The following SDK1 variants were observed in gnomAD, a reference collection of about 807,000 sequenced individuals.
SDK1 encodes the protein sidekick cell adhesion molecule 1.
SDK1 carries 157 observed loss-of-function variants against 245.5 expected under a neutral mutation model. The ratio of observed to expected loss-of-function variants is 0.64; its 90% CI spans 0.56 to 0.73. The LOEUF is 0.73. Ranked by LOEUF, SDK1 falls within the 30% of genes least tolerant of loss-of-function variation. The probability of loss-of-function intolerance (pLI) is 0.00; values close to 1 mark genes in which losing one functional copy is unlikely to be tolerated. For missense variants in SDK1, 3,583 were observed against 3,002.3 expected (o/e 1.19, Z -4.52); for synonymous variants, 1,647 against 1,278.5 (o/e 1.29, Z -6.15).
At chr7:3,515,393 C>T (rs575436440) in intron 1 of SDK1, among the ~76,000 whole-genome samples, 25 of 152,296 alleles carry the variant, frequency 1.6e-4, no homozygotes, top group African/African-American at 6.0e-4. Flanking sequence ...TTGCTAAGCA[C>T]AGGTCCATGT....
chr7:3,591,756 A>G (rs967437567), intron 1 of SDK1, among the ~76,000 whole-genome samples: 4 of 152,182 alleles, frequency 2.6e-5, no homozygotes, highest in Non-Finnish European at 4.4e-5. Flanking sequence ...AGGTGTTCAT[A>G]TATTGCTTTT....
intron 13 of SDK1, among the ~76,000 whole-genome samples, chr7:3,978,222 T>TTAGCAGTTCA (rs1211892633): frequency 6.6e-6 from 1 of 152,186 alleles, no homozygotes; most frequent in Admixed American, 6.5e-5. Flanking sequence ...TAAATAAGCG[T>TTAGCAGTTCA]TAGCAGTTCA....
chr7:3,589,715 T>G (rs1780800758), intron 1 of SDK1, among the ~76,000 whole-genome samples: 1 of 152,124 alleles, frequency 6.6e-6, no homozygotes, highest in Admixed American at 6.5e-5. Context: ...CTCACTGTCA[T>G]GAGAACAGCA....
At chr7:3,989,869 C>T (rs1226276465) in intron 14 of SDK1, among the ~76,000 whole-genome samples, 2 of 152,244 alleles carry the variant, frequency 1.3e-5, no homozygotes, top group Non-Finnish European at 2.9e-5. Flanking sequence ...GTTTAATCCC[C>T]ATTTCATAGC....
rs1234649926 is a variant in SDK1, at chr7:4,162,947, G to T, written c.4800+1091G>T. ...AGGCCCCAGGGAGATCCCAGCTGAA[G>T]AGTGGGGCGGGGAGCTGTGCGGAGG... is the stretch of plus-strand genomic sequence containing the variant. On this transcript the variant is annotated intron_variant, in intron 32 of 44. Transcript: ENST00000404826. Among the ~76,000 whole-genome samples, 3 of 152,362 alleles carry T rather than the reference G, an allele frequency of 2.0e-5. No individual in the cohort carries two copies. In the East Asian group the frequency reaches 5.8e-4, roughly 29 times the overall value.
intron 5 of SDK1, among the ~76,000 whole-genome samples, chr7:3,898,542 C>G (rs1781679697): frequency 1.3e-5 from 2 of 152,154 alleles, no homozygotes; most frequent in African/African-American, 4.8e-5. Context: ...AGACTCGGTA[C>G]ATTGCAAATA....
intron 5 of SDK1, among the ~76,000 whole-genome samples, chr7:3,918,218 C>T (rs1018745635): frequency 1.3e-5 from 2 of 152,144 alleles, no homozygotes; most frequent in African/African-American, 4.8e-5. Flanking sequence ...GGTTCCCAAC[C>T]CCCCCAGCCA....
intron 1 of SDK1, among the ~76,000 whole-genome samples, chr7:3,534,104 A>T (rs551170376): frequency 6.6e-6 from 1 of 152,188 alleles, no homozygotes; most frequent in Admixed American, 6.5e-5. Context: ...CTCTGCTTCT[A>T]TGAGTTTCAC....
At chr7:3,353,793 A>T (rs1268182947) in intron 1 of SDK1, among the ~76,000 whole-genome samples, 1 of 147,200 alleles carries the variant, frequency 6.8e-6, no homozygotes, top group Non-Finnish European at 1.5e-5. Context: ...TGTAGATTTC[A>T]TCTAGAAGAT....
intron 1 of SDK1, among the ~76,000 whole-genome samples, chr7:3,416,108 A>G (rs1779358892): frequency 6.6e-6 from 1 of 152,216 alleles, no homozygotes; most frequent in Non-Finnish European, 1.5e-5. Flanking sequence ...AGTATGAAGT[A>G]TTTTATGATT....
At chr7:3,894,722 G>C (rs146868468) in intron 5 of SDK1, among the ~76,000 whole-genome samples, 1 of 143,448 alleles carries the variant, frequency 7.0e-6, no homozygotes, top group African/African-American at 2.6e-5. Context: ...TTTTTGAGAC[G>C]GAGTCTCACT....
chr7:3,942,082 A>AT (rs1273605859), intron 5 of SDK1, among the ~76,000 whole-genome samples: 2 of 151,658 alleles, frequency 1.3e-5, no homozygotes, highest in Non-Finnish European at 2.9e-5. Flanking sequence ...AATTTTTTGT[A>AT]TTTTTAGTGG....
chr7:3,603,845 G>A (rs1781329543), intron 1 of SDK1, among the ~76,000 whole-genome samples: 1 of 152,124 alleles, frequency 6.6e-6, no homozygotes. Flanking sequence ...TTATTATTTT[G>A]AGATACGTCC....
intron 30 of SDK1, among the ~76,000 whole-genome samples, chr7:4,155,867 A>G (rs1457899244): frequency 1.3e-5 from 2 of 152,168 alleles, no homozygotes; most frequent in African/African-American, 2.4e-5. Context: ...GAGTCTTGTA[A>G]AGACAGATAG....
At chr7:3,340,866 A>AAT (rs1780329856) in intron 1 of SDK1, among the ~76,000 whole-genome samples, 1 of 152,158 alleles carries the variant, frequency 6.6e-6, no homozygotes, top group African/African-American at 2.4e-5. Context: ...TCTTAATTGA[A>AAT]ATGCTCCCTT....
At chr7:4,189,564 G>T (rs755952826) in intron 35 of SDK1, among the ~76,000 whole-genome samples, 1 of 152,108 alleles carries the variant, frequency 6.6e-6, no homozygotes, top group African/African-American at 2.4e-5. Flanking sequence ...AAAATCACTC[G>T]GCCGGCCAGG....
At chr7:3,496,256 A>T (rs1782022732) in intron 1 of SDK1, among the ~76,000 whole-genome samples, 1 of 152,142 alleles carries the variant, frequency 6.6e-6, no homozygotes, top group Non-Finnish European at 1.5e-5. Flanking sequence ...TGAGGCTCCC[A>T]GGATAGTGTC....
chr7:3,395,214 C>T (rs567532482), intron 1 of SDK1, among the ~76,000 whole-genome samples: 1 of 151,872 alleles, frequency 6.6e-6, no homozygotes, highest in African/African-American at 2.4e-5. Flanking sequence ...CAAATGTTTT[C>T]TCTGTACCTG....
intron 1 of SDK1, among the ~76,000 whole-genome samples, chr7:3,427,665 C>A (rs901883268): frequency 6.6e-6 from 1 of 151,996 alleles, no homozygotes; most frequent in Admixed American, 6.5e-5. Flanking sequence ...TTCCATACTC[C>A]TTTCTAAGTT....
Sources: gnomAD v4.1 joint callset for allele counts (sites outside exome capture counted in the v4.1 genomes callset) on GRCh38, gnomAD v4.1.1 for gene constraint, MANE v1.5 for transcripts, NCBI Gene and HGNC (gene_info 2026-07-23, HGNC 2026-07-21) for gene names.